FZD3: variants seen among roughly 807,000 people sequenced by gnomAD.
FZD3 encodes the protein frizzled class receptor 3.
A neutral mutation model predicts 60.7 loss-of-function variants in FZD3; 30 were observed. The ratio of observed to expected loss-of-function variants is 0.49; its 90% CI spans 0.37 to 0.67. The LOEUF (loss-of-function observed/expected upper bound fraction) is 0.67. Ranked by LOEUF, FZD3 falls within the 30% of genes least tolerant of loss-of-function variation. The pLI is 0.00. For missense variants in FZD3, 605 were observed against 838.7 expected (o/e 0.72, Z 3.44); for synonymous variants, 246 against 275.2 (o/e 0.89, Z 1.05).
At chr8:28,552,071 T>TA (rs1450341747) in intron 6 of FZD3, among the ~76,000 whole-genome samples, 1 of 152,236 alleles carries the variant, frequency 6.6e-6, no homozygotes, top group Non-Finnish European at 1.5e-5. Context: ...TCTACATTCT[T>TA]ATCTGATCTT....
At chr8:28,543,884 C>T (rs1463501439) in intron 5 of FZD3, among the ~76,000 whole-genome samples, 4 of 151,968 alleles carry the variant, frequency 2.6e-5, no homozygotes, top group African/African-American at 7.3e-5. Context: ...TAGAATAAAC[C>T]TTAGAATTTA....
At chr8:28,559,543 T>G (rs1253444263) in intron 7 of FZD3, among the ~76,000 whole-genome samples, 1 of 152,058 alleles carries the variant, frequency 6.6e-6, no homozygotes, top group Non-Finnish European at 1.5e-5. Flanking sequence ...ACTTTAGAAA[T>G]AATGTGGATG....
Position 28,567,639 on chromosome 8 carries a change from T to C in FZD3, c.*4628T>C, listed in dbSNP as rs1247836631. 6.6e-6 allele frequency: 1 copy of C among 152,178 alleles called. No homozygotes were observed. Among genetic ancestry groups the C allele is most frequent in the African/African-American group, 2.4e-5 (1 of 41,438 alleles). 9.4% of individuals were successfully genotyped at this position (152,178 alleles called of 1,614,324 possible). On this transcript the variant is annotated 3_prime_UTR_variant, in exon 8 of 8. Transcript: ENST00000240093. ...ATAGAAAACAAGGTTACAGTCTTCA[T>C]TAGTATTTCTTTTTAGCAATAACAA...
In FZD3 at chr8:28,527,805, A is replaced by G. The variant is rs367706061; in HGVS notation, c.1045A>G (p.Met349Val). 4 of 1,614,056 alleles carry G rather than the reference A, an allele frequency of 2.5e-6. No homozygotes were observed. In the African/African-American group the frequency reaches 5.3e-5, roughly 22 times the overall value. ...AACTCTAACCATCATCCTTTTAGCG[A>G]TGAATAAAATTGAAGGTGACAATAT... ...PGTLTIILLAMNKIEGDNISG... is the reference protein window; with the variant it reads ...PGTLTIILLAVNKIEGDNISG... The change falls in exon 5 of 8, where the codon ATG becomes GTG. Residue 349 changes from methionine to valine, a missense_variant. Transcript: ENST00000240093. This position sits in a 1 kb window ranked among gnomAD's most constrained non-coding sequence, Gnocchi z 5.0.
At chr8:28,524,147 C>G (rs1459385179) in intron 4 of FZD3, among the ~76,000 whole-genome samples, 1 of 152,112 alleles carries the variant, frequency 6.6e-6, no homozygotes. Context: ...TAAGACAGCA[C>G]CTATTCTAAA....
chr8:28,538,453 G>GT (rs1284245379), intron 5 of FZD3, among the ~76,000 whole-genome samples: 1 of 152,026 alleles, frequency 6.6e-6, no homozygotes, highest in South Asian at 2.1e-4. Context: ...ATTGTACTCA[G>GT]TTTTACAAAT....
Position 28,570,786 on chromosome 8 carries a change from C to CA in FZD3, c.*7776dup, listed in dbSNP as rs1469107435. The CA allele has an allele frequency of 6.6e-6, 1 of 152,032 alleles. No homozygotes were observed. The highest frequency in any genetic ancestry group is 2.4e-5 in the African/African-American group (1 of 41,380). 9.4% of individuals were successfully genotyped at this position (152,032 alleles called of 1,614,324 possible). Reference sequence around the variant, plus strand: ...TCTGATTGTCTACATTAGCTCATATCAGTCTTTTGAACACTGGTTCAAATC... The same window carrying CA: ...TCTGATTGTCTACATTAGCTCATATCAAGTCTTTTGAACACTGGTTCAAATC... On this transcript the variant is annotated 3_prime_UTR_variant, in exon 8 of 8. Coordinates refer to ENST00000240093, the MANE Select transcript of FZD3 (RefSeq NM_017412.4).
chr8:28,535,344 T>C (rs352205), intron 5 of FZD3, among the ~76,000 whole-genome samples: 93,049 of 152,032 alleles, frequency 0.61, 28,811 homozygotes, highest in African/African-American at 0.68. Flanking sequence ...CTGTTATTAA[T>C]ATCTTATATC....
rs1478265131 is a variant in FZD3, at chr8:28,555,908, C to T, written c.1724C>T (p.Ala575Val). The T allele has an allele frequency of 1.2e-6, 2 of 1,614,092 alleles. No individual in the cohort carries two copies. The highest frequency in any genetic ancestry group is 2.2e-5 in the South Asian group (2 of 91,072). ...ATGGTGGATGATCAAAGAAGCAAAG[C>T]AGGAAGCATCCACAGCAAAGTGAGC... ...LAMVDDQRSK[A>V]GSIHSKVSSY... Residue 575 changes from alanine (A) to valine (V), a missense_variant, in exon 7 of 8, where the codon GCA becomes GTA. By Grantham distance (64) the Ala-to-Val change is moderately conservative. Coordinates refer to ENST00000240093, the MANE Select transcript of FZD3 (RefSeq NM_017412.4).
chr8:28,499,821 G>GAA, intron 1 of FZD3, 112 bp from the exon 2 acceptor site: 1 of 151,640 alleles, frequency 6.6e-6, no homozygotes, highest in South Asian at 2.1e-4. Flanking sequence ...TATGTCCTTT[G>GAA]CTTATTTTTC....
chr8:28,523,943 G>A (rs138351553), intron 4 of FZD3, among the ~76,000 whole-genome samples: 27 of 152,130 alleles, frequency 1.8e-4, no homozygotes, highest in African/African-American at 5.3e-4. Flanking sequence ...GATGAGTTTG[G>A]CCCCTTTTCC....
chr8:28,569,067 T>C lies in FZD3; in HGVS notation c.*6056T>C, dbSNP rs1459312985. The C allele has an allele frequency of 1.3e-5, 2 of 152,086 alleles. No individual in the cohort carries two copies. The highest frequency in any genetic ancestry group is 2.9e-5 in the Non-Finnish European group (2 of 67,956). 9.4% of individuals were successfully genotyped at this position (152,086 alleles called of 1,614,324 possible). ...TTTTAAGGTTGATATTTTATCATAT[T>C]CCTGGAGTAGGATGGATTACTTTAT... On this transcript the variant is annotated 3_prime_UTR_variant, in exon 8 of 8. Coordinates refer to ENST00000240093, the MANE Select transcript of FZD3 (RefSeq NM_017412.4).
rs192430655 is a variant in FZD3, at chr8:28,561,729, A to G, written c.1788-1069A>G. On this transcript the variant is annotated intron_variant, in intron 7 of 7. Coordinates refer to ENST00000240093, the MANE Select transcript of FZD3 (RefSeq NM_017412.4). The stretch of plus-strand genomic sequence containing the variant: ...AAATCAAATACTTTTACAGAATGGC[A>G]TATATATAGGTGTTAAGTATAAACA... Among the ~76,000 whole-genome samples, 155 of 152,304 alleles carry G rather than the reference A, an allele frequency of 1.0e-3. 1 individual carries two copies. Among genetic ancestry groups the G allele is most frequent in the African/African-American group, 3.4e-3 (140 of 41,572 alleles).
chr8:28,525,386 G>A (rs1435940029), intron 4 of FZD3, among the ~76,000 whole-genome samples: 1 of 152,186 alleles, frequency 6.6e-6, no homozygotes, highest in Non-Finnish European at 1.5e-5. Context: ...TTTCTATAGA[G>A]TCTTTGGAGA....
chr8:28,542,712 A>G (rs1327838571), intron 5 of FZD3, among the ~76,000 whole-genome samples: 4 of 151,940 alleles, frequency 2.6e-5, no homozygotes, highest in African/African-American at 9.7e-5. Flanking sequence ...GCTATCCCCT[A>G]CCTTGTGTTT....
rs1246158481 is a variant in FZD3 at position 28,537,977 on chromosome 8, C to T, written c.1404+9813C>T. ...ACTAAAAATACAAAAATTAGCTGGG[C>T]GTGGTGGCGGGCGCCTGTAATCCCA... On this transcript the variant is annotated intron_variant, in intron 5 of 7. Coordinates refer to ENST00000240093, the MANE Select transcript of FZD3 (RefSeq NM_017412.4). 2.0e-5 allele frequency among the ~76,000 whole-genome samples: 3 copies of T among 151,956 alleles called. No homozygotes were observed. In the East Asian group the frequency reaches 5.8e-4, roughly 29 times the overall value.
chr8:28,568,498 T>C lies in FZD3; in HGVS notation c.*5487T>C, dbSNP rs1805745027. ...ATCCTGTGCTTCTTTAGTCATCAAA[T>C]TGATATAGGATTACAATTTTCTCTC... On this transcript the variant is annotated 3_prime_UTR_variant, in exon 8 of 8. Transcript: ENST00000240093. 6.6e-6 allele frequency: 1 copy of C among 152,100 alleles called. No homozygotes were observed. Among genetic ancestry groups the C allele is most frequent in the South Asian group, 2.1e-4 (1 of 4,830 alleles). The allele number at this position is 152,100 out of a possible 1,614,324, so 9.4% of individuals were successfully genotyped here.
intron 3 of FZD3, among the ~76,000 whole-genome samples, chr8:28,510,139 A>T (rs555381041): frequency 6.7e-6 from 1 of 149,170 alleles, no homozygotes; most frequent in Non-Finnish European, 1.5e-5. Context: ...TTTTGTTTTT[A>T]ATAATAGCTG....
At chr8:28,504,558 A>G (rs960488759) in intron 3 of FZD3, among the ~76,000 whole-genome samples, 6 of 152,230 alleles carry the variant, frequency 3.9e-5, no homozygotes, top group Non-Finnish European at 7.3e-5. Flanking sequence ...TGGCTCTGCC[A>G]TGTAGTAGGT....
Sources: gnomAD v4.1 joint callset for allele counts (sites outside exome capture counted in the v4.1 genomes callset) on GRCh38, gnomAD v4.1.1 for gene constraint, Gnocchi (gnomAD v3.1) non-coding constraint, MANE v1.5 for transcripts, NCBI Gene and HGNC (gene_info 2026-07-23, HGNC 2026-07-21) for gene names.